The following RNF170 variants were observed in gnomAD, a reference collection of about 807,000 sequenced individuals.
RNF170 encodes the protein E3 ubiquitin-protein ligase RNF170.
Under a neutral mutation model 32.7 loss-of-function variants are expected in RNF170, and 12 were observed. The ratio of observed to expected loss-of-function variants is 0.37; its 90% CI spans 0.24 to 0.60. RNF170 has a LOEUF of 0.60. Among genes scored for constraint, RNF170 ranks in the 20% least tolerant of loss-of-function variants. The pLI is 0.72. For synonymous variants in RNF170, 91 were observed against 103.6 expected, an observed-to-expected ratio of 0.88 and a Z score of 0.74; for missense variants, 212 against 311.2, an observed-to-expected ratio of 0.68 and a Z score of 2.40.
At position 42,886,528 on chromosome 8, in the gene RNF170, T is replaced by G. The variant is rs1213110158; in HGVS notation, c.137+1200A>C. Among the ~76,000 whole-genome samples the G allele has an allele frequency of 2.0e-5, 3 of 152,222 alleles. No individual in the cohort carries two copies. The East Asian group carries it at 5.8e-4, about 30-fold the overall frequency. On this transcript the variant is annotated intron_variant, in intron 2 of 6. Coordinates refer to ENST00000527424, the MANE Select transcript of RNF170 (RefSeq NM_030954.4). ...GCAACCTCTGCCTCCCAAGTTCAAG[T>G]GATTCTCACGCCTCAGCCGCCCAAG...
intron 6 of RNF170, among the ~76,000 whole-genome samples, chr8:42,857,241 G>A (rs149122824): frequency 6.6e-6 from 1 of 152,310 alleles, no homozygotes; most frequent in African/African-American, 2.4e-5. Flanking sequence ...GAGCAAGTGA[G>A]GAGAAAATAG....
rs538154157 is a variant in RNF170 at position 42,855,668 on chromosome 8, A to C, written c.*491T>G. The C allele has an allele frequency of 7.8e-7, 1 of 1,284,302 alleles. No individual in the cohort carries two copies. The highest frequency in any genetic ancestry group is 1.5e-5 in the African/African-American group (1 of 65,714). 79.6% of individuals were successfully genotyped at this position (1,284,302 alleles called of 1,614,324 possible). The stretch of plus-strand genomic sequence containing the variant: ...AGGCAGAACTGCTCCAAATGCACAA[A>C]ACTTAGCTAGCACTAAAAGAAATAC... On this transcript the variant is annotated 3_prime_UTR_variant, in exon 7 of 7. Transcript: ENST00000527424.
chr8:42,856,540 A>T, intron 6 of RNF170, 112 bp from the exon 7 acceptor site: 4 of 752,908 alleles, frequency 5.3e-6, no homozygotes, highest in Non-Finnish European at 8.7e-6. Context: ...AAGGAGTTAC[A>T]CATTAATTGA....
downstream of RNF170, among the ~76,000 whole-genome samples, chr8:42,851,884 C>T (rs182510949): frequency 3.3e-5 from 5 of 152,294 alleles, 1 homozygote; most frequent in Admixed American, 1.3e-4. Context: ...CCTCCTGCCT[C>T]GGACTCCCAA....
At chr8:42,874,088 T>TA in intron 2 of RNF170, 82 bp from the exon 3 acceptor site, 1 of 808,254 alleles carries the variant, frequency 1.2e-6, no homozygotes, top group South Asian at 1.4e-5. Flanking sequence ...CTTTCTGACT[T>TA]ATAACTACTG....
Position 42,888,005 on chromosome 8 carries a change from G to A in RNF170, c.-7-134C>T. 3.9e-6 allele frequency: 3 copies of A among 761,750 alleles called. No individual in the cohort carries two copies. The South Asian group carries it at 4.6e-5, about 12-fold the overall frequency. The allele number at this position is 761,750 out of a possible 1,614,324, so 47.2% of individuals were successfully genotyped here. On this transcript the variant is annotated intron_variant, in intron 1 of 6. Transcript: ENST00000527424. ...TAGGCTGCAATTAAGTACAACTCCA[G>A]TGGGGACTGATGGAGTTCTTTAAAA...
At chr8:42,873,788 T>A in intron 3 of RNF170, 143 bp downstream of exon 3, 1 of 636,632 alleles carries the variant, frequency 1.6e-6, no homozygotes, top group Non-Finnish European at 2.8e-6. Flanking sequence ...CTTGCAAATA[T>A]ACAATCTATA....
At chr8:42,888,716 G>A (rs1003940749) in intron 1 of RNF170, among the ~76,000 whole-genome samples, 4 of 152,024 alleles carry the variant, frequency 2.6e-5, no homozygotes, top group South Asian at 2.1e-4. Flanking sequence ...CCCAGAGAGC[G>A]CCACTGTACT....
downstream of RNF170, chr8:42,850,647 T>C: frequency 1.1e-6 from 1 of 924,556 alleles, no homozygotes; most frequent in Admixed American, 2.2e-5. Flanking sequence ...AGACAGACAA[T>C]GGAAATGTCA....
intron 2 of RNF170, among the ~76,000 whole-genome samples, chr8:42,874,989 T>C (rs968508407): frequency 5.3e-5 from 8 of 151,830 alleles, no homozygotes; most frequent in Non-Finnish European, 8.8e-5. Context: ...CTGACCAACA[T>C]GGAGAAACCC....
chr8:42,897,282 G>T (rs1807018909), upstream of RNF170: 4 of 870,232 alleles, frequency 4.6e-6, no homozygotes, highest in African/African-American at 1.7e-5. Context: ...CGCTGCGGGC[G>T]ACGGTGCCGT....
Position 42,873,507 on chromosome 8 carries a change from T to C in RNF170, c.213+424A>G, listed in dbSNP as rs16891645. 3.2e-3 allele frequency among the ~76,000 whole-genome samples: 490 copies of C among 152,038 alleles called. 3 individuals are homozygous for C. The highest frequency in any genetic ancestry group is 0.011 in the African/African-American group (470 of 41,466). ...AAGTTAGTTTTTCTCTTTGCCTAAC[T>C]AGTTTTGTTGTTATAACTTTGACAA... On this transcript the variant is annotated intron_variant, in intron 3 of 6. Coordinates refer to ENST00000527424, the MANE Select transcript of RNF170 (RefSeq NM_030954.4).
At chr8:42,862,067 A>T (rs1803705415) in intron 5 of RNF170, among the ~76,000 whole-genome samples, 1 of 152,210 alleles carries the variant, frequency 6.6e-6, no homozygotes, top group African/African-American at 2.4e-5. Context: ...TAGACACCAT[A>T]TCCAACTACT....
At chr8:42,895,690 T>C (rs1198695318) in intron 1 of RNF170, among the ~76,000 whole-genome samples, 1 of 152,196 alleles carries the variant, frequency 6.6e-6, no homozygotes, top group Admixed American at 6.5e-5. Flanking sequence ...TAGGCAACAA[T>C]TAAAATTACC....
At position 42,853,726 on chromosome 8, in the gene RNF170, A is replaced by C; in HGVS notation, c.*2433T>G. ...CTCTACTTGCTTTAAAAACTCTCAGATCCCTTCTGCATTTATCATCAGAGA... is the reference window on the plus strand; with the variant it reads ...CTCTACTTGCTTTAAAAACTCTCAGCTCCCTTCTGCATTTATCATCAGAGA... On this transcript the variant is annotated 3_prime_UTR_variant, in exon 7 of 7. Transcript: ENST00000527424. 3 of 1,287,190 alleles carry C rather than the reference A, an allele frequency of 2.3e-6. No homozygotes were observed. Among genetic ancestry groups the C allele is most frequent in the Non-Finnish European group, 3.0e-6 (3 of 988,678 alleles). The allele number at this position is 1,287,190 out of a possible 1,614,324, so 79.7% of individuals were successfully genotyped here.
chr8:42,878,395 T>G (rs992625404), intron 2 of RNF170, among the ~76,000 whole-genome samples: 6 of 152,138 alleles, frequency 3.9e-5, no homozygotes, highest in Non-Finnish European at 7.4e-5. Flanking sequence ...AGTGAACACA[T>G]AAATGATAAA....
Position 42,854,785 on chromosome 8 carries a change from A to G in RNF170, c.*1374T>C, listed in dbSNP as rs1296618453. ...ATCCCCTCACATCCTGCTGTCATAC[A>G]TTCACTAATGAGCAACGCCAGCTGA... On this transcript the variant is annotated 3_prime_UTR_variant, in exon 7 of 7. Coordinates refer to ENST00000527424, the MANE Select transcript of RNF170 (RefSeq NM_030954.4). 3 of 1,287,406 alleles carry G rather than the reference A, an allele frequency of 2.3e-6. No individual in the cohort carries two copies. Among genetic ancestry groups the G allele is most frequent in the Admixed American group, 4.6e-5 (2 of 43,558 alleles). The allele number at this position is 1,287,406 out of a possible 1,614,324, so 79.7% of individuals were successfully genotyped here.
chr8:42,872,177 G>T (rs1422506306), intron 3 of RNF170, among the ~76,000 whole-genome samples: 1 of 152,208 alleles, frequency 6.6e-6, no homozygotes, highest in African/African-American at 2.4e-5. Flanking sequence ...AGGCAGTTGA[G>T]TGGACACTGC....
intron 2 of RNF170, among the ~76,000 whole-genome samples, chr8:42,880,365 A>G (rs1033341158): frequency 6.6e-6 from 1 of 152,238 alleles, no homozygotes; most frequent in African/African-American, 2.4e-5. Context: ...CCAGTTTTGA[A>G]AAGAAAGCCT....
Sources: allele counts gnomAD v4.1 joint callset (sites outside exome capture counted in the v4.1 genomes callset), GRCh38; gene constraint gnomAD v4.1.1; transcripts MANE v1.5; gene names NCBI Gene and HGNC (gene_info 2026-07-23, HGNC 2026-07-21).